The following ZRANB1 variants were observed in gnomAD, a reference collection of about 807,000 sequenced individuals.
The protein encoded by ZRANB1 is ubiquitin thioesterase ZRANB1.
ZRANB1 carries 16 observed loss-of-function variants against 80.5 expected under a neutral mutation model. The ratio of observed to expected loss-of-function variants is 0.20; its 90% CI spans 0.13 to 0.30. ZRANB1 has a LOEUF of 0.30. ZRANB1 is among the 10% of genes least tolerant of loss of function. The probability of loss-of-function intolerance (pLI) is 1.00; values close to 1 mark genes in which losing one functional copy is unlikely to be tolerated. For synonymous variants in ZRANB1, 291 were observed against 293.1 expected (o/e 0.99, Z 0.07); for missense variants, 576 against 862.6 (o/e 0.67, Z 4.16).
rs748657983 is a variant in ZRANB1, at chr10:124,967,245, C to T, written c.1002+464C>T. On this transcript the variant is annotated intron_variant, in intron 2 of 8. Transcript: ENST00000359653. ...CTTGAAGAGTTTTGAGGTGTCTTGTCGTCTTTCTTATAGCAGGTAATGTTT... is the reference window on the plus strand; with the variant it reads ...CTTGAAGAGTTTTGAGGTGTCTTGTTGTCTTTCTTATAGCAGGTAATGTTT... Among the ~76,000 whole-genome samples, 5 of 152,178 alleles carry T rather than the reference C, an allele frequency of 3.3e-5. No homozygotes were observed. In the South Asian group the frequency reaches 6.2e-4, roughly 19 times the overall value.
the ZRANB1 span, among the ~76,000 whole-genome samples, chr10:124,936,202 AG>A: frequency 6.6e-6 from 1 of 152,112 alleles, no homozygotes; most frequent in Admixed American, 6.5e-5. Context: ...GAAGGAGTTG[AG>A]AGTTTATACT....
chr10:124,953,034 C>T (rs1048155946), intron 1 of ZRANB1, among the ~76,000 whole-genome samples: 1 of 152,046 alleles, frequency 6.6e-6, no homozygotes, highest in African/African-American at 2.4e-5. Flanking sequence ...AAGTAATTCT[C>T]CTGCCTCAGC....
chr10:124,919,416 G>T, the ZRANB1 span, among the ~76,000 whole-genome samples: 1 of 151,952 alleles, frequency 6.6e-6, no homozygotes, highest in East Asian at 2.0e-4. Flanking sequence ...GTATGGTGGC[G>T]TGTGCCTGTA....
chr10:124,927,928 T>C, the ZRANB1 span, among the ~76,000 whole-genome samples: 3 of 152,172 alleles, frequency 2.0e-5, no homozygotes, highest in Non-Finnish European at 2.9e-5. Flanking sequence ...TCCCAGCTTC[T>C]TGGGAGGCTG....
At chr10:124,960,067 C>G (rs1295905125) in intron 1 of ZRANB1, among the ~76,000 whole-genome samples, 1 of 152,054 alleles carries the variant, frequency 6.6e-6, no homozygotes, top group Non-Finnish European at 1.5e-5. Flanking sequence ...ATCATTTTTC[C>G]TGGACATAGG....
intron 1 of ZRANB1, among the ~76,000 whole-genome samples, chr10:124,951,167 G>C (rs1324428699): frequency 6.6e-6 from 1 of 152,082 alleles, no homozygotes; most frequent in East Asian, 1.9e-4. Flanking sequence ...TTTTTCTCAA[G>C]TAAATTATTA....
At chr10:124,939,773 T>C (rs1463318779), upstream of ZRANB1, among the ~76,000 whole-genome samples, 3 of 152,202 alleles carry the variant, frequency 2.0e-5, no homozygotes, top group Non-Finnish European at 4.4e-5. Flanking sequence ...TTATATTTCA[T>C]TCCCGAGAAA....
the ZRANB1 span, among the ~76,000 whole-genome samples, chr10:124,920,948 T>C: frequency 3.4e-3 from 518 of 152,304 alleles, 3 homozygotes; most frequent in Non-Finnish European, 6.1e-3. Flanking sequence ...TTCTAGGATA[T>C]GCAGTTTGTA....
In ZRANB1 at chr10:124,952,943, G is replaced by A. The variant is rs946602597; in HGVS notation, c.814+9636G>A. 5.3e-5 allele frequency among the ~76,000 whole-genome samples: 8 copies of A among 150,632 alleles called. 1 individual carries two copies. Among genetic ancestry groups the A allele is most frequent in the Non-Finnish European group, 1.5e-5 (1 of 67,748 alleles). The stretch of plus-strand genomic sequence containing the variant: ...ATAGTATTTTTTTAAATTTTATTTT[G>A]AGATGGAGTCTTGCTCTGTCACCCA... On this transcript the variant is annotated intron_variant, in intron 1 of 8. Transcript: ENST00000359653.
At chr10:124,963,977 T>G (rs144983910) in intron 1 of ZRANB1, among the ~76,000 whole-genome samples, 5 of 152,362 alleles carry the variant, frequency 3.3e-5, no homozygotes, top group African/African-American at 1.2e-4. Context: ...TTGGAGAATT[T>G]CGTGCTGTCA....
intron 6 of ZRANB1, among the ~76,000 whole-genome samples, chr10:124,982,814 G>GT (rs149994549): frequency 0.081 from 12,400 of 152,242 alleles, 697 homozygotes; most frequent in Admixed American, 0.16. Context: ...GGAGGACTTT[G>GT]TTGTAGGTAG....
Position 124,972,029 on chromosome 10 carries a change from G to A in ZRANB1, c.1067G>A (p.Arg356Gln), listed in dbSNP as rs375457744. Residue 356 changes from arginine (R) to glutamine (Q), a missense_variant, in exon 3 of 9, where the codon CGG (arginine) becomes CAG (glutamine). Around this residue, in one of 3 missense-constraint regions of ZRANB1, gnomAD observed 411 missense variants for 583.1 expected, o/e 0.70. Transcript: ENST00000359653. ...MVCPELTEQIRREIAASLHQR... is the reference protein window; with the variant it reads ...MVCPELTEQIQREIAASLHQR... ...TGTCCTGAACTGACAGAACAAATCC[G>A]GAGAGAGATAGCTGCCTCTCTTCAT... is the stretch of plus-strand genomic sequence containing the variant. The A allele has an allele frequency of 2.5e-6, 4 of 1,613,766 alleles. No individual in the cohort carries two copies. Among genetic ancestry groups the A allele is most frequent in the South Asian group, 1.1e-5 (1 of 91,034 alleles).
chr10:124,985,135 CA>C lies in ZRANB1; in HGVS notation c.*144del. The C allele has an allele frequency of 1.5e-6, 1 of 646,642 alleles. No individual in the cohort carries two copies. The highest frequency in any genetic ancestry group is 2.7e-6 in the Non-Finnish European group (1 of 372,100). 40.1% of individuals were successfully genotyped at this position (646,642 alleles called of 1,614,324 possible). ...CGGGGAAGTGTTTTCCTGGACCACACACACCTTATGGAGATAATGCCTCTGC... is the reference window on the plus strand; with the variant it reads ...CGGGGAAGTGTTTTCCTGGACCACACCACCTTATGGAGATAATGCCTCTGC... On this transcript the variant is annotated 3_prime_UTR_variant, in exon 9 of 9. Coordinates refer to ENST00000359653, the MANE Select transcript of ZRANB1 (RefSeq NM_017580.3).
chr10:124,947,642 CT>C (rs1951596084), intron 1 of ZRANB1, among the ~76,000 whole-genome samples: 1 of 152,150 alleles, frequency 6.6e-6, no homozygotes, highest in South Asian at 2.1e-4. Context: ...TAAAACAGAA[CT>C]GATCTCTCCT....
At chr10:124,958,519 A>G (rs1303824574) in intron 1 of ZRANB1, among the ~76,000 whole-genome samples, 2 of 152,124 alleles carry the variant, frequency 1.3e-5, no homozygotes, top group African/African-American at 4.8e-5. Context: ...AGTCTGTCAG[A>G]TTTTTTGTGT....
chr10:124,981,416 T>A, intron 5 of ZRANB1: 1 of 184,046 alleles, frequency 5.4e-6, no homozygotes, highest in Non-Finnish European at 1.1e-5. Flanking sequence ...TTTTGTAAAC[T>A]AATTGTGGAC....
At chr10:124,960,077 G>A (rs909404662) in intron 1 of ZRANB1, among the ~76,000 whole-genome samples, 2 of 152,200 alleles carry the variant, frequency 1.3e-5, no homozygotes, top group African/African-American at 2.4e-5. Context: ...CTGGACATAG[G>A]AGAGGGAAAG....
chr10:124,962,079 C>T (rs1054681613), intron 1 of ZRANB1, among the ~76,000 whole-genome samples: 1 of 152,170 alleles, frequency 6.6e-6, no homozygotes, highest in Non-Finnish European at 1.5e-5. Flanking sequence ...AAAGAGTTTG[C>T]TGTGAATATC....
the ZRANB1 span, among the ~76,000 whole-genome samples, chr10:124,931,170 G>T: frequency 1.3e-5 from 2 of 152,030 alleles, no homozygotes; most frequent in Non-Finnish European, 2.9e-5. Flanking sequence ...TGACCTTCCG[G>T]GCTCAAGTGA....
Sources: allele counts gnomAD v4.1 joint callset (sites outside exome capture counted in the v4.1 genomes callset), GRCh38; gene constraint gnomAD v4.1.1; regional missense constraint gnomAD v4.1.1; transcripts MANE v1.5; gene names NCBI Gene and HGNC (gene_info 2026-07-23, HGNC 2026-07-21).